PFAS: variants seen among roughly 807,000 people sequenced by gnomAD.
PFAS encodes the protein FGAM synthase.
PFAS carries 97 observed loss-of-function variants against 140.6 expected under a neutral mutation model. The observed-to-expected ratio is 0.69, with a 90% confidence interval of 0.59 to 0.82. PFAS has a LOEUF of 0.82. Ranked by LOEUF, PFAS falls within the 40% of genes least tolerant of loss-of-function variation. The probability of loss-of-function intolerance (pLI) is 0.00; values close to 1 mark genes in which losing one functional copy is unlikely to be tolerated. For synonymous variants in PFAS, 679 were observed against 718.8 expected (o/e 0.94, Z 0.88); for missense variants, 1,656 against 1,780.2 (o/e 0.93, Z 1.26).
upstream of PFAS, among the ~76,000 whole-genome samples, chr17:8,248,307 C>T (rs894836470): frequency 2.0e-5 from 3 of 151,190 alleles, no homozygotes; most frequent in African/African-American, 7.3e-5. Flanking sequence ...GTGGCGCGAT[C>T]TCGGCTCACT....
chr17:8,265,524 C>T, intron 19 of PFAS, 32 bp from the exon 20 acceptor site: 1 of 1,613,504 alleles, frequency 6.2e-7, no homozygotes, highest in Non-Finnish European at 8.5e-7. Context: ...GGGTTGGCAA[C>T]TCATTCCTTT....
At chr17:8,260,503 A>G (rs1373022598) in intron 11 of PFAS, among the ~76,000 whole-genome samples, 1 of 152,250 alleles carries the variant, frequency 6.6e-6, no homozygotes, top group Non-Finnish European at 1.5e-5. Context: ...ATATCCCATT[A>G]TGTAGCTATG....
At chr17:8,248,105 C>T (rs9900352), upstream of PFAS, 63,377 of 980,718 alleles carry the variant, frequency 0.065, 6,530 homozygotes, top group East Asian at 0.34. Flanking sequence ...GGTGGGGGGG[C>T]GCTCGGTGAC....
At position 8,269,146 on chromosome 17, in the gene PFAS, GGGCCGTTA is replaced by G; in HGVS notation, c.3904_3911del (p.Val1302LeufsTer11). On this transcript the variant is annotated frameshift_variant, in exon 28 of 28. Coordinates refer to ENST00000314666, the MANE Select transcript of PFAS (RefSeq NM_012393.3). LOFTEE classifies it high-confidence loss of function. ...CTGGCTGTCATGCCTCACCCTGAGC[GGGCCGTTA>G]GGCCTTGGCAGTGGGCATGGCGACC... is the stretch of plus-strand genomic sequence containing the variant. The G allele has an allele frequency of 1.2e-6, 2 of 1,613,888 alleles. No homozygotes were observed. Among genetic ancestry groups the G allele is most frequent in the African/African-American group, 2.7e-5 (2 of 75,052 alleles).
At chr17:8,249,989 G>A (rs1989087861) in intron 1 of PFAS, among the ~76,000 whole-genome samples, 1 of 152,116 alleles carries the variant, frequency 6.6e-6, no homozygotes, top group African/African-American at 2.4e-5. Context: ...TTAAAATAGG[G>A]CCGGCCATCT....
Position 8,267,326 on chromosome 17 carries a change from G to T in PFAS, c.3176-46G>T, listed in dbSNP as rs1193158106. 1 of 1,598,756 alleles carries T rather than the reference G, an allele frequency of 6.3e-7. No homozygotes were observed. The highest frequency in any genetic ancestry group is 8.6e-7 in the Non-Finnish European group (1 of 1,166,738). Reference sequence around the variant, plus strand: ...TCAGAAAGGTGTCTGGGGAGTTGGGGTGGGGAAGTGACTTTCTGGCCCAAA... The same window carrying T: ...TCAGAAAGGTGTCTGGGGAGTTGGGTTGGGGAAGTGACTTTCTGGCCCAAA... On this transcript the variant is annotated intron_variant, in intron 24 of 27. Transcript: ENST00000314666. This position sits in a 1 kb window ranked among gnomAD's most constrained non-coding sequence, Gnocchi z 4.9.
chr17:8,257,989 G>T, intron 10 of PFAS, 51 bp downstream of exon 10: 1 of 1,611,932 alleles, frequency 6.2e-7, no homozygotes, highest in Non-Finnish European at 8.5e-7. Flanking sequence ...GCTTGTGGGT[G>T]GGGTGTGCGA....
rs1345015093 is a variant in PFAS, at chr17:8,267,749, G to A, written c.3382+84G>A. 4 of 735,084 alleles carry A rather than the reference G, an allele frequency of 5.4e-6. No homozygotes were observed. In the East Asian group the frequency reaches 1.0e-4, roughly 19 times the overall value. The allele number at this position is 735,084 out of a possible 1,614,324, so 45.5% of individuals were successfully genotyped here. On this transcript the variant is annotated intron_variant, in intron 26 of 27. Transcript: ENST00000314666. The surrounding 1 kb of genome is among the most constrained non-coding windows in gnomAD (Gnocchi z 4.9). ...GCCCCATCTTCCTGGGCTGGGGATT[G>A]GCCTCTCACTCCACCGAGCTACGAG...
In PFAS at chr17:8,255,240, G is replaced by C. The variant is rs988045193; in HGVS notation, c.384+108G>C. On this transcript the variant is annotated intron_variant, in intron 4 of 27. Coordinates refer to ENST00000314666, the MANE Select transcript of PFAS (RefSeq NM_012393.3). Reference sequence around the variant, plus strand: ...GTGCTCCTGGCTTTAGGCCTGCTCTGTATGGTCGTACAAGTTGTTCACTGC... The same window carrying C: ...GTGCTCCTGGCTTTAGGCCTGCTCTCTATGGTCGTACAAGTTGTTCACTGC... 3.3e-5 allele frequency: 27 copies of C among 814,698 alleles called. 1 individual carries two copies. Among genetic ancestry groups the C allele is most frequent in the Admixed American group, 3.0e-4 (13 of 43,528 alleles). 50.5% of individuals were successfully genotyped at this position (814,698 alleles called of 1,614,324 possible).
chr17:8,267,701 A>C lies in PFAS; in HGVS notation c.3382+36A>C, dbSNP rs768691758. ...AGGCTTCTGCCCACTCCCTTCCCCC[A>C]CATTCCTGAAGAGGTGCCTTTAGCC... On this transcript the variant is annotated intron_variant, in intron 26 of 27. Coordinates refer to ENST00000314666, the MANE Select transcript of PFAS (RefSeq NM_012393.3). This position sits in a 1 kb window ranked among gnomAD's most constrained non-coding sequence, Gnocchi z 4.9. The C allele has an allele frequency of 5.0e-5, 60 of 1,193,588 alleles. No homozygotes were observed. Among genetic ancestry groups the C allele is most frequent in the Non-Finnish European group, 5.6e-5 (45 of 810,790 alleles). 73.9% of individuals were successfully genotyped at this position (1,193,588 alleles called of 1,614,324 possible). A position where few individuals can be genotyped will look rare whatever the true frequency, so the allele number is the denominator to read the frequency against.
At chr17:8,257,078 A>G (rs985078744) in intron 9 of PFAS, 115 bp downstream of exon 9, 5 of 1,171,738 alleles carry the variant, frequency 4.3e-6, no homozygotes, top group Non-Finnish European at 6.3e-6. Flanking sequence ...TCTCAGGAGG[A>G]AGGGCTCTAG....
Position 8,255,514 on chromosome 17 carries a change from C to T in PFAS, c.397C>T (p.Pro133Ser), listed in dbSNP as rs199913413. The T allele has an allele frequency of 1.1e-4, 160 of 1,517,772 alleles. No individual in the cohort carries two copies. Among genetic ancestry groups the T allele is most frequent in the Non-Finnish European group, 1.3e-4 (147 of 1,134,600 alleles). The allele number at this position is 1,517,772 out of a possible 1,614,324, so 94.0% of individuals were successfully genotyped here. Residue 133 changes from proline (P) to serine (S), a missense_variant, in exon 5 of 28, where the codon CCG becomes TCG. Physicochemically the swap from Pro to Ser is moderately conservative, Grantham distance 74. Transcript: ENST00000314666. ...RRYRLSFAHP[P>S]SAEVEAIALA... is the part of the protein sequence containing the mutation. ...TCTGCACCCCTAGTTTGCCCACCCC[C>T]CGTCAGCTGAGGTGGAAGCCATTGC...
rs778266880 is a variant in PFAS, at chr17:8,266,440, C to T, written c.2821+87C>T. On this transcript the variant is annotated intron_variant, in intron 22 of 27. Transcript: ENST00000314666. The surrounding 1 kb of genome is among the most constrained non-coding windows in gnomAD (Gnocchi z 5.0). Reference sequence around the variant, plus strand: ...TCCAATATATTAAAGAGTGGAGTGCCCTCCAGTCCCCTTTCCCTGAGTCTT... The same window carrying T: ...TCCAATATATTAAAGAGTGGAGTGCTCTCCAGTCCCCTTTCCCTGAGTCTT... The T allele has an allele frequency of 1.7e-5, 27 of 1,557,312 alleles. No individual in the cohort carries two copies. The highest frequency in any genetic ancestry group is 1.9e-5 in the Non-Finnish European group (22 of 1,149,606).
At chr17:8,265,202 T>A (rs1989762301) in intron 18 of PFAS, 77 bp downstream of exon 18, 2 of 1,568,992 alleles carry the variant, frequency 1.3e-6, no homozygotes, top group East Asian at 4.5e-5. Context: ...GCCCTTCATT[T>A]CATGTTGCAA....
intron 8 of PFAS, 64 bp downstream of exon 8, chr17:8,256,712 C>A (rs1352929397): frequency 1.3e-6 from 2 of 1,580,160 alleles, no homozygotes; most frequent in Admixed American, 3.8e-5. Context: ...AGGTCCCAGG[C>A]CCCTGGAGTG....
In PFAS at chr17:8,269,849, T is replaced by C. The variant is rs1989959476; in HGVS notation, c.*585T>C. On this transcript the variant is annotated 3_prime_UTR_variant, in exon 28 of 28. Coordinates refer to ENST00000314666, the MANE Select transcript of PFAS (RefSeq NM_012393.3). ...TAGGGCTGGCCTCAGAACCCAGCAT[T>C]CCTGTTATTTGCTTCTAAATTAGCA... The C allele has an allele frequency of 6.6e-6, 1 of 152,172 alleles. No homozygotes were observed. The highest frequency in any genetic ancestry group is 1.5e-5 in the Non-Finnish European group (1 of 68,178). 9.4% of individuals were successfully genotyped at this position (152,172 alleles called of 1,614,324 possible). A position where few individuals can be genotyped will look rare whatever the true frequency, so the allele number is the denominator to read the frequency against.
chr17:8,257,372 C>T (rs763134340), intron 9 of PFAS, among the ~76,000 whole-genome samples: 3 of 152,016 alleles, frequency 2.0e-5, no homozygotes, highest in East Asian at 1.9e-4. Context: ...CTGGCTAACA[C>T]GGTGAAACCC....
In PFAS at chr17:8,254,161, T is replaced by C. The variant is rs373199054; in HGVS notation, c.143-5T>C. The C allele has an allele frequency of 6.2e-7, 1 of 1,614,020 alleles. No homozygotes were observed. Among genetic ancestry groups the C allele is most frequent in the Non-Finnish European group, 8.5e-7 (1 of 1,180,028 alleles). On this transcript the variant is annotated splice_region_variant and splice_polypyrimidine_tract_variant and intron_variant, in intron 2 of 27. Coordinates refer to ENST00000314666, the MANE Select transcript of PFAS (RefSeq NM_012393.3). ...TCAAGGTGTCCTTGCCCTGTCTCCC[T>C]GCAGCTGAGGCCCTCCCCAGTGCTG... is the stretch of plus-strand genomic sequence containing the variant.
Position 8,254,003 on chromosome 17 carries a change from T to A in PFAS, c.66T>A (p.Thr22=). 1 of 1,614,114 alleles carries A rather than the reference T, an allele frequency of 6.2e-7. No individual in the cohort carries two copies. The highest frequency in any genetic ancestry group is 8.5e-7 in the Non-Finnish European group (1 of 1,180,026). Residue 22 remains threonine (T), a synonymous_variant, in exon 2 of 28, where the codon ACT becomes ACA. Coordinates refer to ENST00000314666, the MANE Select transcript of PFAS (RefSeq NM_012393.3). The part of the protein sequence containing the change: ...SGHEGAAPGH[T]RRKLQGKLPE... The stretch of plus-strand genomic sequence containing the variant: ...ATGAGGGGGCAGCCCCTGGACACAC[T>A]CGGAGGAAACTGCAAGGGAAACTGC...
Sources: gnomAD v4.1 joint callset for allele counts (sites outside exome capture counted in the v4.1 genomes callset) on GRCh38, gnomAD v4.1.1 for gene constraint, Gnocchi (gnomAD v3.1) non-coding constraint, MANE v1.5 for transcripts, NCBI Gene and HGNC (gene_info 2026-07-23, HGNC 2026-07-21) for gene names.